PMM2: variants seen among roughly 807,000 people sequenced by gnomAD.
PMM2 encodes the protein mannose-6-phosphate isomerase.
Under a neutral mutation model 33.2 loss-of-function variants are expected in PMM2, and 35 were observed. The observed-to-expected ratio is 1.06, with a 90% CI of 0.81 to 1.40. The LOEUF (loss-of-function observed/expected upper bound fraction) is 1.40, where lower values mean the gene tolerates loss of function less well. Among genes scored for constraint, PMM2 ranks in the 40% most tolerant of loss-of-function variants. The pLI is 0.00. For synonymous variants in PMM2, 153 were observed against 114.7 expected, an observed-to-expected ratio of 1.33 and a Z score of -2.13; for missense variants, 386 against 306.0, an observed-to-expected ratio of 1.26 and a Z score of -1.95.
rs867293212 is a variant in PMM2 at position 8,832,415 on chromosome 16, A to C, written c.640-15309A>C. On this transcript the variant is annotated intron_variant, in intron 7 of 7. Transcript: ENST00000268261. ...GCTTTATTAAGTGTCAGCGAGTTAC[A>C]TGCACACAGATCACTCAGATTCCAC... is the stretch of plus-strand genomic sequence containing the variant. The C allele has an allele frequency of 6.7e-5, 66 of 985,352 alleles. No homozygotes were observed. The Middle Eastern group carries it at 1.6e-3, about 23-fold the overall frequency. 61.0% of individuals were successfully genotyped at this position (985,352 alleles called of 1,614,324 possible). A position where few individuals can be genotyped will look rare whatever the true frequency, so the allele number is the denominator to read the frequency against.
At chr16:8,816,412 C>T (rs941346713) in intron 7 of PMM2, among the ~76,000 whole-genome samples, 1 of 151,632 alleles carries the variant, frequency 6.6e-6, no homozygotes, top group Non-Finnish European at 1.5e-5. Context: ...AGGCGTGAGC[C>T]ACCACACTGG....
intron 7 of PMM2, among the ~76,000 whole-genome samples, chr16:8,823,862 C>G (rs1184010938): frequency 6.6e-6 from 1 of 152,164 alleles, no homozygotes; most frequent in African/African-American, 2.4e-5. Flanking sequence ...TTCCAAGGGA[C>G]TTCTATTGGC....
At chr16:8,819,727 T>A (rs535099280) in intron 7 of PMM2, among the ~76,000 whole-genome samples, 3 of 151,286 alleles carry the variant, frequency 2.0e-5, no homozygotes, top group East Asian at 1.9e-4. Flanking sequence ...AAATTAAAAA[T>A]TTTTAAAAAT....
chr16:8,818,915 C>T (rs1425674722), intron 7 of PMM2, among the ~76,000 whole-genome samples: 1 of 152,188 alleles, frequency 6.6e-6, no homozygotes, highest in Non-Finnish European at 1.5e-5. Flanking sequence ...CCACACATGG[C>T]TCTGCATGGC....
chr16:8,803,015 C>G (rs947891066), intron 2 of PMM2, among the ~76,000 whole-genome samples: 2 of 152,102 alleles, frequency 1.3e-5, no homozygotes, highest in South Asian at 4.2e-4. Flanking sequence ...ATTGTAGGGT[C>G]TTTAGCAACA....
chr16:8,835,183 T>C (rs12935327), intron 7 of PMM2, among the ~76,000 whole-genome samples: 115,518 of 147,098 alleles, frequency 0.79, 45,475 homozygotes, highest in African/African-American at 0.82. Flanking sequence ...CTACAGGGTG[T>C]GGTCCTGGCT....
chr16:8,828,222 G>GTT (rs2060789775), intron 7 of PMM2, among the ~76,000 whole-genome samples: 2 of 150,760 alleles, frequency 1.3e-5, no homozygotes, highest in Non-Finnish European at 3.0e-5. Context: ...GCAGTTTTTT[G>GTT]TTTTTTTCTT....
At chr16:8,821,746 G>A (rs2060740712) in intron 7 of PMM2, among the ~76,000 whole-genome samples, 1 of 152,230 alleles carries the variant, frequency 6.6e-6, no homozygotes, top group Admixed American at 6.5e-5. Flanking sequence ...AAGCCAAGGG[G>A]TGTTTTTTCC....
intron 7 of PMM2, among the ~76,000 whole-genome samples, chr16:8,834,904 G>A (rs1209609880): frequency 2.0e-5 from 3 of 152,164 alleles, no homozygotes; most frequent in African/African-American, 4.8e-5. Context: ...AATAATGTGG[G>A]AGGCCAGATT....
intron 3 of PMM2, among the ~76,000 whole-genome samples, chr16:8,805,394 G>C (rs1025374008): frequency 5.5e-4 from 84 of 151,954 alleles, no homozygotes; most frequent in African/African-American, 1.9e-3. Context: ...AAAAGATGGG[G>C]TCTTGCTGTG....
At position 8,831,969 on chromosome 16, in the gene PMM2, G is replaced by A. The variant is rs146793171; in HGVS notation, c.640-15755G>A. Among the ~76,000 whole-genome samples, 687 of 152,272 alleles carry A rather than the reference G, an allele frequency of 4.5e-3. 5 individuals are homozygous for A. Among genetic ancestry groups the A allele is most frequent in the Non-Finnish European group, 6.5e-3 (442 of 68,026 alleles). On this transcript the variant is annotated intron_variant, in intron 7 of 7. Coordinates refer to ENST00000268261, the MANE Select transcript of PMM2 (RefSeq NM_000303.3). ...ACAGGGTTTTTGTTCTTGGAGCTTGGGAGGTGGCTGAGTTCCCCAACTAGA... is the reference window on the plus strand; with the variant it reads ...ACAGGGTTTTTGTTCTTGGAGCTTGAGAGGTGGCTGAGTTCCCCAACTAGA...
At chr16:8,818,157 C>T (rs939591591) in intron 7 of PMM2, among the ~76,000 whole-genome samples, 4 of 152,224 alleles carry the variant, frequency 2.6e-5, no homozygotes, top group Non-Finnish European at 4.4e-5. Flanking sequence ...CCGCCTCGGC[C>T]TCCCAAAGTG....
chr16:8,827,866 T>TGTATAATATATA (rs2060784147), intron 7 of PMM2, among the ~76,000 whole-genome samples: 3 of 92,156 alleles, frequency 3.3e-5, no homozygotes, highest in Non-Finnish European at 6.7e-5. Context: ...TGTTATATAT[T>TGTATAATATATA]ATATATATGT....
chr16:8,814,674 A>T (rs985280860), intron 7 of PMM2, among the ~76,000 whole-genome samples: 2 of 152,202 alleles, frequency 1.3e-5, no homozygotes, highest in Admixed American at 6.5e-5. Flanking sequence ...GCACCAGAAG[A>T]AGTCTACCTG....
chr16:8,820,351 C>CTTTTTTTTTTTTTT lies in PMM2; in HGVS notation c.639+7249_639+7262dup, dbSNP rs545958069. Among the ~76,000 whole-genome samples the CTTTTTTTTTTTTTT allele has an allele frequency of 9.2e-4, 122 of 133,124 alleles. 5 individuals carry two copies. Among genetic ancestry groups the CTTTTTTTTTTTTTT allele is most frequent in the African/African-American group, 2.9e-3 (92 of 32,158 alleles). 87.3% of individuals were successfully genotyped at this position (133,124 alleles called of 152,430 possible). On this transcript the variant is annotated intron_variant, in intron 7 of 7. Transcript: ENST00000268261. ...TCAGCCCAGTGAGGACACAGTTCTT[C>CTTTTTTTTTTTTTT]TTTTTTTTTTTTTTTTTCCTGAGAC...
At chr16:8,835,440 C>CA (rs559747070) in intron 7 of PMM2, among the ~76,000 whole-genome samples, 36 of 152,062 alleles carry the variant, frequency 2.4e-4, no homozygotes, top group South Asian at 2.1e-3. Flanking sequence ...TGATGGGTGT[C>CA]AGGGTCATCT....
intron 6 of PMM2, 84 bp downstream of exon 6, chr16:8,811,797 G>C (rs1266969945): frequency 3.2e-6 from 3 of 933,516 alleles, no homozygotes; most frequent in Non-Finnish European, 5.3e-6. Context: ...TGATAATGAA[G>C]TATGTGCAGT....
In PMM2 at chr16:8,811,138, G is replaced by T; in HGVS notation, c.407G>T (p.Cys136Phe). 1 of 1,577,540 alleles carries T rather than the reference G, an allele frequency of 6.3e-7. No homozygotes were observed. Among genetic ancestry groups the T allele is most frequent in the Non-Finnish European group, 8.6e-7 (1 of 1,157,622 alleles). The change falls in exon 5 of 8, where the codon TGC (cysteine) becomes TTC (phenylalanine). Residue 136 changes from cysteine (C) to phenylalanine (F), a missense_variant. Physicochemically the swap from Cys to Phe is radical, Grantham distance 205 (BLOSUM62 -2). Coordinates refer to ENST00000268261, the MANE Select transcript of PMM2 (RefSeq NM_000303.3). ...AACGTGTCCCCTATTGGAAGAAGCTGCAGCCAAGAAGAACGCATTGAGTTC... is the reference window on the plus strand; with the variant it reads ...AACGTGTCCCCTATTGGAAGAAGCTTCAGCCAAGAAGAACGCATTGAGTTC... ...MLNVSPIGRS[C>F]SQEERIEFYE...
At chr16:8,823,980 C>A (rs1368942936) in intron 7 of PMM2, among the ~76,000 whole-genome samples, 1 of 152,152 alleles carries the variant, frequency 6.6e-6, no homozygotes, top group Non-Finnish European at 1.5e-5. Context: ...TATCCTATTA[C>A]AAAAGAAAAC....
Sources: allele counts gnomAD v4.1 joint callset (sites outside exome capture counted in the v4.1 genomes callset), GRCh38; gene constraint gnomAD v4.1.1; transcripts MANE v1.5; gene names NCBI Gene and HGNC (gene_info 2026-07-23, HGNC 2026-07-21).